The following RNASEH2B variants were observed in gnomAD, a reference collection of about 807,000 sequenced individuals.
RNASEH2B encodes Aicardi-Goutieres syndrome 2 protein.
A neutral mutation model predicts 45.0 loss-of-function variants in RNASEH2B; 36 were observed. That is an observed-to-expected ratio of 0.80 (90% CI 0.61 to 1.06). The LOEUF is 1.06. Among genes scored for constraint, RNASEH2B ranks in the 50% least tolerant of loss-of-function variants. The pLI is 0.00. For synonymous variants in RNASEH2B, 119 were observed against 125.7 expected (o/e 0.95, Z 0.35); for missense variants, 361 against 360.3 (o/e 1.00, Z -0.02).
chr13:50,966,462 A>C (rs1952165548), intron 9 of RNASEH2B, among the ~76,000 whole-genome samples: 1 of 152,236 alleles, frequency 6.6e-6, no homozygotes, highest in South Asian at 2.1e-4. Flanking sequence ...ACAAACTGCA[A>C]AACCACTTGG....
intron 9 of RNASEH2B, 134 bp from the exon 10 acceptor site, chr13:50,953,770 AG>A (rs1709979480): frequency 1.5e-6 from 1 of 664,256 alleles, no homozygotes; most frequent in East Asian, 2.7e-5. Flanking sequence ...GCCTGTAAAA[AG>A]TAAGCCCTTT....
At chr13:50,968,641 A>G (rs73186390) in intron 9 of RNASEH2B, among the ~76,000 whole-genome samples, 9,175 of 152,224 alleles carry the variant, frequency 0.06, 310 homozygotes, top group Middle Eastern at 0.2. Context: ...TTAAGAAAGG[A>G]AAAAAATCAC....
chr13:50,924,374 AG>A (rs1460506221), intron 1 of RNASEH2B, among the ~76,000 whole-genome samples: 1 of 152,204 alleles, frequency 6.6e-6, no homozygotes, highest in Non-Finnish European at 1.5e-5. Context: ...CAGTAACTGA[AG>A]GAGAGCTGGA....
chr13:50,968,386 C>T (rs1952186986), intron 9 of RNASEH2B, among the ~76,000 whole-genome samples: 1 of 152,082 alleles, frequency 6.6e-6, no homozygotes, highest in South Asian at 2.1e-4. Context: ...GGTGACAGAG[C>T]AAGACCCTGT....
intron 10 of RNASEH2B, chr13:50,954,807 A>G (rs1952024128): frequency 6.6e-6 from 1 of 152,208 alleles, no homozygotes; most frequent in South Asian, 2.1e-4. Context: ...TCCAAACATT[A>G]TTGCCAATGA....
At chr13:50,966,052 C>G (rs1406647935) in intron 9 of RNASEH2B, among the ~76,000 whole-genome samples, 3 of 152,082 alleles carry the variant, frequency 2.0e-5, no homozygotes, top group African/African-American at 4.8e-5. Flanking sequence ...CAATGTACAA[C>G]ATAACTGAGC....
intron 8 of RNASEH2B, chr13:50,949,051 T>C (rs983789882): frequency 5.7e-6 from 1 of 174,116 alleles, no homozygotes; most frequent in African/African-American, 2.4e-5. Context: ...GTATGCCAAT[T>C]AAACTGCTTT....
At chr13:50,949,535 GGGACTTAGAAAAATATTA>G (rs745710166) in intron 9 of RNASEH2B, 30 bp downstream of exon 9, 2 of 1,598,454 alleles carry the variant, frequency 1.3e-6, no homozygotes, top group Middle Eastern at 1.7e-4. Context: ...ATATCTTTGG[GGGACTTAGAAAAATATTA>G]CACTCTTACC....
intron 8 of RNASEH2B, chr13:50,948,489 C>T (rs536914414): frequency 1.2e-5 from 2 of 161,016 alleles, no homozygotes; most frequent in South Asian, 3.4e-4. Flanking sequence ...ACTAAAGGGA[C>T]TTTATGCCAA....
chr13:50,969,081 C>T (rs573522186), intron 9 of RNASEH2B, among the ~76,000 whole-genome samples: 4 of 152,292 alleles, frequency 2.6e-5, no homozygotes, highest in Admixed American at 1.3e-4. Context: ...GTGTGCTAGA[C>T]ATGTTGTAGA....
chr13:50,924,359 A>C (rs1951562572), intron 1 of RNASEH2B, among the ~76,000 whole-genome samples: 1 of 152,222 alleles, frequency 6.6e-6, no homozygotes, highest in African/African-American at 2.4e-5. Flanking sequence ...GATATACAAT[A>C]CAAACAGTAA....
intron 5 of RNASEH2B, chr13:50,936,081 G>A (rs974313850): frequency 5.3e-5 from 8 of 152,330 alleles, no homozygotes; most frequent in African/African-American, 2.4e-5. Context: ...ATGTGTAGTG[G>A]TGGGATCCTG....
intron 1 of RNASEH2B, chr13:50,912,435 T>A (rs1879468785): frequency 6.6e-6 from 1 of 152,338 alleles, no homozygotes; most frequent in Admixed American, 6.5e-5. Flanking sequence ...CAGGAACCAC[T>A]GCAGTAAAGA....
intron 5 of RNASEH2B, among the ~76,000 whole-genome samples, chr13:50,939,384 G>T (rs1266030515): frequency 1.3e-5 from 2 of 151,530 alleles, no homozygotes; most frequent in Non-Finnish European, 2.9e-5. Context: ...GCCAGCTGTG[G>T]TGGTATGTGC....
intron 3 of RNASEH2B, among the ~76,000 whole-genome samples, chr13:50,930,441 A>G (rs755035835): frequency 1.2e-4 from 19 of 152,294 alleles, no homozygotes; most frequent in South Asian, 2.1e-4. Context: ...TTAAAGATCA[A>G]TTTCAGGGTC....
intron 5 of RNASEH2B, chr13:50,936,360 C>T (rs539794573): frequency 6.6e-6 from 1 of 152,090 alleles, no homozygotes; most frequent in South Asian, 2.1e-4. Context: ...CCAACTATGA[C>T]AGTTCTTCTG....
At chr13:50,953,309 G>T (rs1272201656) in intron 9 of RNASEH2B, 2 of 153,762 alleles carry the variant, frequency 1.3e-5, no homozygotes, top group Non-Finnish European at 2.9e-5. Flanking sequence ...TGGGCCTAAT[G>T]GAAAGAACAC....
intron 1 of RNASEH2B, 62 bp downstream of exon 1, chr13:50,910,202 C>T (rs1879275850): frequency 3.5e-6 from 4 of 1,134,246 alleles, no homozygotes; most frequent in Admixed American, 4.2e-5. Flanking sequence ...CCCGCGACCC[C>T]GGGCGCGCCG....
At position 50,934,998 on chromosome 13, in the gene RNASEH2B, AGGTATG is replaced by A; in HGVS notation, c.436+1_436+6del. The A allele has an allele frequency of 6.3e-7, 1 of 1,599,934 alleles. No homozygotes were observed. The highest frequency in any genetic ancestry group is 2.2e-5 in the East Asian group (1 of 44,788). On this transcript the variant is annotated splice_donor_variant and splice_donor_5th_base_variant and coding_sequence_variant and intron_variant, in exon 5 of 11. Transcript: ENST00000336617. LOFTEE classifies it high-confidence loss of function. ...TACTTCATCATGTGACAGAGGAAAA[AGGTATG>A]GTATAACTTAAAGGCTTATGGCTGG...
Sources: allele counts gnomAD v4.1 joint callset (sites outside exome capture counted in the v4.1 genomes callset), GRCh38; gene constraint gnomAD v4.1.1; transcripts MANE v1.5; gene names NCBI Gene and HGNC (gene_info 2026-07-23, HGNC 2026-07-21).